Variants in TANK observed in about 807,000 individuals in gnomAD.
TANK encodes TRAF family member associated NFKB activator.
TANK carries 15 observed loss-of-function variants against 43.6 expected under a neutral mutation model. The ratio of observed to expected loss-of-function variants is 0.34; its 90% CI spans 0.23 to 0.53. TANK has a LOEUF of 0.53. TANK is among the 20% of genes least tolerant of loss of function. TANK has a pLI of 0.94. For missense variants in TANK, 417 were observed against 498.6 expected, an observed-to-expected ratio of 0.84 and a Z score of 1.56; for synonymous variants, 162 against 178.2, an observed-to-expected ratio of 0.91 and a Z score of 0.73.
chr2:161,141,085 C>G (rs769966656), intron 1 of TANK, among the ~76,000 whole-genome samples: 4 of 152,106 alleles, frequency 2.6e-5, no homozygotes, highest in Non-Finnish European at 5.9e-5. Flanking sequence ...TAACACAAAA[C>G]TAATCATTTT....
At chr2:161,228,008 A>C (rs1687717778) in intron 6 of TANK, among the ~76,000 whole-genome samples, 1 of 152,120 alleles carries the variant, frequency 6.6e-6, no homozygotes, top group African/African-American at 2.4e-5. Context: ...TGTAGGGGAG[A>C]GATTACAGAT....
intron 1 of TANK, among the ~76,000 whole-genome samples, chr2:161,145,360 T>G (rs1470200973): frequency 6.6e-6 from 1 of 151,852 alleles, no homozygotes; most frequent in African/African-American, 2.4e-5. Context: ...AATTTGATCC[T>G]GTCATCGTGA....
At chr2:161,161,452 T>C (rs1258148999) in intron 1 of TANK, 1 of 1,549,548 alleles carries the variant, frequency 6.5e-7, no homozygotes, top group East Asian at 2.4e-5. Context: ...TAAAAATTAT[T>C]GTGTCCTCAT....
chr2:161,150,862 A>T (rs1351387431), intron 1 of TANK, among the ~76,000 whole-genome samples: 1 of 152,176 alleles, frequency 6.6e-6, no homozygotes, highest in Non-Finnish European at 1.5e-5. Context: ...AAGTCCTGGG[A>T]TTACAGGCGT....
intron 4 of TANK, chr2:161,212,748 A>C (rs1574045506): frequency 1.0e-6 from 1 of 985,304 alleles, no homozygotes; most frequent in East Asian, 1.1e-4. Flanking sequence ...GAGTCTATCC[A>C]GCCCTGATTT....
intron 4 of TANK, among the ~76,000 whole-genome samples, chr2:161,217,585 T>TTGTGAGTGTG (rs759936834): frequency 4.4e-4 from 60 of 136,644 alleles, no homozygotes; most frequent in African/African-American, 1.6e-3. Context: ...GGTAGTTGGT[T>TTGTGAGTGTG]TGTGTGTGTG....
chr2:161,172,852 A>G (rs77371084), intron 1 of TANK, among the ~76,000 whole-genome samples: 154 of 151,972 alleles, frequency 1.0e-3, no homozygotes, highest in African/African-American at 3.3e-3. Context: ...TCTTGAATCC[A>G]CTCATCTTTA....
intron 1 of TANK, among the ~76,000 whole-genome samples, chr2:161,178,873 A>G (rs1346314867): frequency 6.6e-6 from 1 of 152,154 alleles, no homozygotes; most frequent in East Asian, 1.9e-4. Context: ...TTACAGTTGG[A>G]CAGGAAGAAT....
intron 4 of TANK, among the ~76,000 whole-genome samples, chr2:161,221,988 C>T (rs1390207395): frequency 1.3e-5 from 2 of 152,082 alleles, no homozygotes; most frequent in African/African-American, 4.8e-5. Flanking sequence ...TAAATTCACC[C>T]ACACTAGTTA....
At chr2:161,192,803 C>T (rs1254282072) in intron 2 of TANK, among the ~76,000 whole-genome samples, 2 of 152,166 alleles carry the variant, frequency 1.3e-5, no homozygotes, top group Non-Finnish European at 2.9e-5. Context: ...GCTTTATTTT[C>T]AAATGAAGAA....
In TANK at chr2:161,136,989, C is replaced by T. The variant is rs568906406; in HGVS notation, c.-124C>T. 4.1e-6 allele frequency: 4 copies of T among 985,396 alleles called. No homozygotes were observed. The African/African-American group carries it at 5.2e-5, about 13-fold the overall frequency. 61.0% of individuals were successfully genotyped at this position (985,396 alleles called of 1,614,324 possible). On this transcript the variant is annotated 5_prime_UTR_variant, in exon 1 of 8. Coordinates refer to the TANK transcript ENST00000259075. The stretch of plus-strand genomic sequence containing the variant: ...GCATTGTTAGAGCCTGTGGAAAACA[C>T]TTTACAACTGTGTAACTGTCTTCAT...
intron 1 of TANK, among the ~76,000 whole-genome samples, chr2:161,143,467 TTTTTA>T (rs1167083968): frequency 1.3e-5 from 2 of 152,090 alleles, no homozygotes; most frequent in Non-Finnish European, 2.9e-5. Context: ...TAAATAGCTC[TTTTTA>T]TTTTGAGATA....
At chr2:161,225,774 C>T (rs1040198284) in intron 6 of TANK, among the ~76,000 whole-genome samples, 17 of 152,194 alleles carry the variant, frequency 1.1e-4, no homozygotes, top group African/African-American at 4.1e-4. Flanking sequence ...CCATTTCTTG[C>T]AGCTCTTACA....
At chr2:161,203,386 A>G (rs1451338425) in intron 2 of TANK, 101 bp from the exon 3 acceptor site, 1 of 723,796 alleles carries the variant, frequency 1.4e-6, no homozygotes, top group East Asian at 2.7e-5. Flanking sequence ...CTGCAAAATG[A>G]CAATGTGGGC....
At chr2:161,205,402 A>G (rs1346180785) in intron 4 of TANK, among the ~76,000 whole-genome samples, 5 of 152,048 alleles carry the variant, frequency 3.3e-5, no homozygotes, top group African/African-American at 4.8e-5. Context: ...GTGTGTATAT[A>G]TATAAACAAT....
chr2:161,205,851 T>C (rs1686628259), intron 4 of TANK, among the ~76,000 whole-genome samples: 1 of 152,200 alleles, frequency 6.6e-6, no homozygotes, highest in African/African-American at 2.4e-5. Flanking sequence ...TCACCCAGGC[T>C]GGAGTGCAGT....
chr2:161,171,179 A>G (rs1039189961), intron 1 of TANK, among the ~76,000 whole-genome samples: 2 of 152,156 alleles, frequency 1.3e-5, no homozygotes, highest in South Asian at 2.1e-4. Flanking sequence ...TTTGGCACAG[A>G]TGCAAGTTTG....
intron 2 of TANK, among the ~76,000 whole-genome samples, chr2:161,184,627 A>G (rs1270920223): frequency 6.6e-6 from 1 of 152,132 alleles, no homozygotes; most frequent in Non-Finnish European, 1.5e-5. Context: ...GATAAAATGG[A>G]AAGCAGGGGT....
At chr2:161,139,393 A>G (rs1195462948) in intron 1 of TANK, among the ~76,000 whole-genome samples, 1 of 152,192 alleles carries the variant, frequency 6.6e-6, no homozygotes, top group Non-Finnish European at 1.5e-5. Flanking sequence ...CAAAATAGAG[A>G]CTTCATGTTA....
Sources: allele counts gnomAD v4.1 joint callset (sites outside exome capture counted in the v4.1 genomes callset), GRCh38; gene constraint gnomAD v4.1.1; transcripts MANE v1.5; gene names NCBI Gene and HGNC (gene_info 2026-07-23, HGNC 2026-07-21).